SREK1IP1: variants seen among roughly 807,000 people sequenced by gnomAD.
SREK1IP1 encodes SREK1 interacting protein 1.
In SREK1IP1, 12 loss-of-function variants were observed where a neutral mutation model predicts 22.8. The observed-to-expected ratio is 0.53, with a 90% CI of 0.34 to 0.85. SREK1IP1 has a LOEUF of 0.85. Ranked by LOEUF, SREK1IP1 falls within the 40% of genes least tolerant of loss-of-function variation. The pLI, the probability that SREK1IP1 is intolerant of heterozygous loss-of-function variation, is 0.02. For missense variants in SREK1IP1, 147 were observed against 171.8 expected (o/e 0.86, Z 0.81); for synonymous variants, 53 against 52.7 (o/e 1.01, Z -0.02).
intron 2 of SREK1IP1, among the ~76,000 whole-genome samples, chr5:64,747,863 G>A (rs1157476456): frequency 1.3e-5 from 2 of 152,042 alleles, no homozygotes; most frequent in African/African-American, 4.8e-5. Context: ...GGGAGGCAGA[G>A]GTTAGGTTGC....
intron 3 of SREK1IP1, among the ~76,000 whole-genome samples, chr5:64,731,765 T>A (rs4700651): frequency 0.62 from 94,700 of 151,554 alleles, 31,416 homozygotes; most frequent in African/African-American, 0.87. Flanking sequence ...AGGAAAAAAA[T>A]AATGGCCAGA....
chr5:64,730,954 T>C (rs1262013275), intron 3 of SREK1IP1, among the ~76,000 whole-genome samples: 2 of 152,126 alleles, frequency 1.3e-5, no homozygotes, highest in African/African-American at 4.8e-5. Flanking sequence ...ATAACTATGA[T>C]GGAATCTAAG....
intron 3 of SREK1IP1, among the ~76,000 whole-genome samples, chr5:64,733,719 A>C (rs879530206): frequency 4.9e-4 from 75 of 152,256 alleles, no homozygotes; most frequent in Non-Finnish European, 4.3e-4. Flanking sequence ...TTTTATTAAT[A>C]ATAACCCCAA....
At chr5:64,749,486 G>A (rs1317106088) in intron 2 of SREK1IP1, among the ~76,000 whole-genome samples, 1 of 151,742 alleles carries the variant, frequency 6.6e-6, no homozygotes, top group Non-Finnish European at 1.5e-5. Flanking sequence ...ACCCAGGCAG[G>A]AGTGCAGTGG....
rs1743111868 is a variant in SREK1IP1 at position 64,768,574 on chromosome 5, C to T, written c.-57G>A. On this transcript the variant is annotated 5_prime_UTR_variant, in exon 1 of 5. Transcript: ENST00000513458. ...GGCTTTCGAAAAGGCGCTTGCTTCCCGCCAGCTGTGAGAACAAGGCACAGT... is the reference window on the plus strand; with the variant it reads ...GGCTTTCGAAAAGGCGCTTGCTTCCTGCCAGCTGTGAGAACAAGGCACAGT... The T allele has an allele frequency of 3.7e-6, 6 of 1,613,398 alleles. No individual in the cohort carries two copies. The East Asian group carries it at 1.1e-4, about 30-fold the overall frequency.
At chr5:64,726,325 A>AAG (rs200394148) in intron 4 of SREK1IP1, among the ~76,000 whole-genome samples, 10,095 of 151,930 alleles carry the variant, frequency 0.066, 1,091 homozygotes, top group African/African-American at 0.23. Context: ...GTTACTATAA[A>AAG]AAATATTTGG....
intron 1 of SREK1IP1, among the ~76,000 whole-genome samples, chr5:64,763,729 C>T (rs972881917): frequency 1.3e-4 from 20 of 152,160 alleles, no homozygotes; most frequent in Non-Finnish European, 2.4e-4. Context: ...ATGGGTATAA[C>T]TTTGAACTCG....
In SREK1IP1 at chr5:64,724,301, A is replaced by C. The variant is rs1415209652; in HGVS notation, c.*83T>G. 4.0e-6 allele frequency: 5 copies of C among 1,251,094 alleles called. No homozygotes were observed. Among genetic ancestry groups the C allele is most frequent in the Non-Finnish European group, 5.5e-6 (5 of 908,502 alleles). The allele number at this position is 1,251,094 out of a possible 1,614,324, so 77.5% of individuals were successfully genotyped here. A position where few individuals can be genotyped will look rare whatever the true frequency, so the allele number is the denominator to read the frequency against. Reference sequence around the variant, plus strand: ...AAAAGGCTGTGATTTATTGCAAAGCATAATATATAGCAAATTCCAAGGAAG... The same window carrying C: ...AAAAGGCTGTGATTTATTGCAAAGCCTAATATATAGCAAATTCCAAGGAAG... On this transcript the variant is annotated 3_prime_UTR_variant, in exon 5 of 5. Coordinates refer to ENST00000513458, the MANE Select transcript of SREK1IP1 (RefSeq NM_173829.4).
chr5:64,767,477 G>C (rs562405981), intron 1 of SREK1IP1, among the ~76,000 whole-genome samples: 162 of 152,212 alleles, frequency 1.1e-3, no homozygotes, highest in African/African-American at 3.8e-3. Context: ...CTCTCTCACA[G>C]CTCCAGATGT....
chr5:64,736,826 C>G (rs758127535), intron 3 of SREK1IP1, among the ~76,000 whole-genome samples: 27 of 151,804 alleles, frequency 1.8e-4, no homozygotes, highest in Admixed American at 6.6e-5. Flanking sequence ...AAAAAAACCT[C>G]TTCATTCCTG....
At chr5:64,739,300 T>C (rs1409191262) in intron 3 of SREK1IP1, among the ~76,000 whole-genome samples, 1 of 152,132 alleles carries the variant, frequency 6.6e-6, no homozygotes, top group Non-Finnish European at 1.5e-5. Flanking sequence ...TCAGCTATGG[T>C]TAGTGTGTCC....
intron 2 of SREK1IP1, among the ~76,000 whole-genome samples, chr5:64,744,526 C>T (rs924084835): frequency 3.3e-5 from 5 of 152,112 alleles, no homozygotes; most frequent in South Asian, 2.1e-4. Flanking sequence ...TACCCACCAC[C>T]GCTAACAGTT....
At chr5:64,741,826 A>G (rs767315221) in intron 2 of SREK1IP1, among the ~76,000 whole-genome samples, 4 of 152,184 alleles carry the variant, frequency 2.6e-5, no homozygotes, top group Admixed American at 6.6e-5. Flanking sequence ...AAAGAAAATA[A>G]TATAACCAAT....
intron 3 of SREK1IP1, among the ~76,000 whole-genome samples, chr5:64,739,441 C>A (rs905136384): frequency 2.0e-5 from 3 of 152,052 alleles, no homozygotes; most frequent in African/African-American, 7.2e-5. Flanking sequence ...GACTTCAAAC[C>A]AATCCTCCTG....
chr5:64,755,914 A>T (rs901552447), intron 1 of SREK1IP1, among the ~76,000 whole-genome samples: 1 of 151,974 alleles, frequency 6.6e-6, no homozygotes, highest in Non-Finnish European at 1.5e-5. Context: ...GAAGGAAAAA[A>T]TATCTAATTT....
intron 1 of SREK1IP1, among the ~76,000 whole-genome samples, chr5:64,757,836 G>A (rs1742869447): frequency 7.1e-6 from 1 of 140,086 alleles, no homozygotes; most frequent in East Asian, 2.1e-4. Context: ...GTAAAACTGT[G>A]CTACTGTTTC....
intron 3 of SREK1IP1, among the ~76,000 whole-genome samples, chr5:64,739,370 G>C (rs1020383185): frequency 4.6e-5 from 7 of 152,036 alleles, no homozygotes; most frequent in African/African-American, 1.4e-4. Flanking sequence ...AGTCTGCTGG[G>C]GTGATGAAGG....
At chr5:64,761,741 C>T (rs561059851) in intron 1 of SREK1IP1, among the ~76,000 whole-genome samples, 2 of 152,164 alleles carry the variant, frequency 1.3e-5, no homozygotes, top group African/African-American at 2.4e-5. Context: ...TTCTCTAGAC[C>T]CCAGTTGCCA....
intron 3 of SREK1IP1, among the ~76,000 whole-genome samples, chr5:64,738,282 T>C (rs1742497516): frequency 6.6e-6 from 1 of 152,176 alleles, no homozygotes; most frequent in African/African-American, 2.4e-5. Context: ...TGCAAATCCA[T>C]AAATGTGAAA....
Sources: allele counts gnomAD v4.1 joint callset (sites outside exome capture counted in the v4.1 genomes callset), GRCh38; gene constraint gnomAD v4.1.1; transcripts MANE v1.5; gene names NCBI Gene and HGNC (gene_info 2026-07-23, HGNC 2026-07-21).